DSCAM: variants seen among roughly 807,000 people sequenced by gnomAD.
The protein encoded by DSCAM is DS cell adhesion molecule, also known as cell adhesion molecule DSCAM.
DSCAM carries 47 observed loss-of-function variants against 217.7 expected under a neutral mutation model. The ratio of observed to expected loss-of-function variants is 0.22; its 90% CI spans 0.17 to 0.28. DSCAM has a LOEUF of 0.28. DSCAM is among the 10% of genes least tolerant of loss of function. The pLI, the probability that DSCAM is intolerant of heterozygous loss-of-function variation, is 1.00. For missense variants in DSCAM, 2,080 were observed against 2,618.3 expected (o/e 0.79, Z 4.49); for synonymous variants, 1,056 against 1,015.3 (o/e 1.04, Z -0.76).
At chr21:40,494,558 G>A (rs941586526) in intron 3 of DSCAM, among the ~76,000 whole-genome samples, 2 of 152,008 alleles carry the variant, frequency 1.3e-5, no homozygotes, top group African/African-American at 4.8e-5. Flanking sequence ...AAATATCATT[G>A]AGACTAATGA....
chr21:40,449,914 C>T (rs966464527), intron 3 of DSCAM, among the ~76,000 whole-genome samples: 4 of 152,064 alleles, frequency 2.6e-5, no homozygotes, highest in African/African-American at 9.7e-5. Context: ...GCCAAATCCA[C>T]AATACATAAG....
chr21:40,228,558 T>C (rs1164411941), intron 11 of DSCAM, among the ~76,000 whole-genome samples: 1 of 152,112 alleles, frequency 6.6e-6, no homozygotes, highest in African/African-American at 2.4e-5. Flanking sequence ...CACTGGGAAC[T>C]CCTTCAGGTG....
chr21:40,820,342 C>T lies in DSCAM; in HGVS notation c.43+26277G>A, dbSNP rs141932615. 1.5e-3 allele frequency among the ~76,000 whole-genome samples: 235 copies of T among 152,128 alleles called. 1 individual carries two copies. Among genetic ancestry groups the T allele is most frequent in the Middle Eastern group, 6.8e-3 (2 of 294 alleles). On this transcript the variant is annotated intron_variant, in intron 1 of 32. Coordinates refer to ENST00000400454, the MANE Select transcript of DSCAM (RefSeq NM_001389.5). ...GGATGAAGCTGGAAGCCATCACTCTCAGCAAACTAACCCAGGAACAGAAAA... is the reference window on the plus strand; with the variant it reads ...GGATGAAGCTGGAAGCCATCACTCTTAGCAAACTAACCCAGGAACAGAAAA...
chr21:40,232,950 T>C (rs1362271859), intron 11 of DSCAM, among the ~76,000 whole-genome samples: 3 of 152,100 alleles, frequency 2.0e-5, no homozygotes, highest in South Asian at 4.1e-4. Context: ...TAAATATGTA[T>C]AATTTATAAA....
At chr21:40,637,108 CATAT>C (rs202011231) in intron 3 of DSCAM, among the ~76,000 whole-genome samples, 10,151 of 37,320 alleles carry the variant, frequency 0.27, 2,250 homozygotes, top group African/African-American at 0.37. Context: ...CCTTCTCATT[CATAT>C]ATATATATAT....
chr21:40,713,855 C>A (rs1035197473), intron 1 of DSCAM, among the ~76,000 whole-genome samples: 2 of 152,106 alleles, frequency 1.3e-5, no homozygotes, highest in Non-Finnish European at 2.9e-5. Context: ...AATCTAATAA[C>A]TAGATGAGCT....
rs143145680 is a variant in DSCAM at position 40,059,431 on chromosome 21, G to C, written c.4919+3438C>G. Among the ~76,000 whole-genome samples the C allele has an allele frequency of 4.7e-4, 71 of 152,250 alleles. No individual in the cohort carries two copies. In the East Asian group the frequency reaches 5.6e-3, roughly 12 times the overall value. On this transcript the variant is annotated intron_variant, in intron 28 of 32. Transcript: ENST00000400454. ...TGAGGGATGCAGTCTCTCTTCTCTG[G>C]GGTGATGTGCATGGGTGAAACAGGT... is the stretch of plus-strand genomic sequence containing the variant.
chr21:40,565,289 A>G (rs967491703), intron 3 of DSCAM, among the ~76,000 whole-genome samples: 5 of 152,174 alleles, frequency 3.3e-5, no homozygotes, highest in Admixed American at 3.3e-4. Flanking sequence ...GAAGAAGACC[A>G]TGAAGAGGAA....
intron 3 of DSCAM, among the ~76,000 whole-genome samples, chr21:40,541,204 C>T (rs1490078852): frequency 1.3e-5 from 2 of 151,878 alleles, no homozygotes; most frequent in African/African-American, 2.4e-5. Flanking sequence ...TAAAAATTTT[C>T]AATAAAAAAG....
At chr21:40,168,136 G>A (rs2090617711) in intron 15 of DSCAM, among the ~76,000 whole-genome samples, 1 of 152,204 alleles carries the variant, frequency 6.6e-6, no homozygotes. Context: ...CTGAAGCAAT[G>A]TTAAAGAGGA....
intron 3 of DSCAM, among the ~76,000 whole-genome samples, chr21:40,590,531 G>T (rs1394612573): frequency 1.3e-5 from 2 of 152,196 alleles, no homozygotes; most frequent in African/African-American, 4.8e-5. Flanking sequence ...GTCACTGTGA[G>T]GAGTAAATGA....
Position 40,112,273 on chromosome 21 carries a change from C to T in DSCAM, c.3696+11922G>A, listed in dbSNP as rs578063946. 3.0e-4 allele frequency among the ~76,000 whole-genome samples: 45 copies of T among 148,708 alleles called. 1 individual carries two copies. The highest frequency in any genetic ancestry group is 9.3e-4 in the African/African-American group (38 of 40,948). The stretch of plus-strand genomic sequence containing the variant: ...CAGGATTAAGAATCTCACTCAAAAT[C>T]GCTTAACTACATGGAAACTGAACAA... On this transcript the variant is annotated intron_variant, in intron 20 of 32. Transcript: ENST00000400454.
chr21:40,162,101 A>T (rs1283380590), intron 16 of DSCAM, among the ~76,000 whole-genome samples: 1 of 152,180 alleles, frequency 6.6e-6, no homozygotes, highest in African/African-American at 2.4e-5. Context: ...ACGAACTACA[A>T]TCTTGGCACT....
intron 32 of DSCAM, among the ~76,000 whole-genome samples, chr21:40,023,333 G>A (rs1169165621): frequency 6.6e-6 from 1 of 152,090 alleles, no homozygotes; most frequent in African/African-American, 2.4e-5. Flanking sequence ...AAACATACGT[G>A]TGCATATGTC....
intron 3 of DSCAM, among the ~76,000 whole-genome samples, chr21:40,607,298 C>A (rs1198117783): frequency 6.6e-6 from 1 of 152,000 alleles, no homozygotes; most frequent in Non-Finnish European, 1.5e-5. Context: ...ATAAATGGTT[C>A]CAATCAGTCA....
chr21:40,202,269 G>A (rs960515250), intron 11 of DSCAM, among the ~76,000 whole-genome samples: 2 of 152,220 alleles, frequency 1.3e-5, no homozygotes, highest in African/African-American at 4.8e-5. Flanking sequence ...GTGGCTTGGG[G>A]ACAGACACAG....
At chr21:40,518,206 T>G (rs2076318961) in intron 3 of DSCAM, among the ~76,000 whole-genome samples, 1 of 145,432 alleles carries the variant, frequency 6.9e-6, no homozygotes, top group South Asian at 2.2e-4. Flanking sequence ...AATGGACCCT[T>G]GAGTTCTGAC....
Position 40,266,007 on chromosome 21 carries a change from T to C in DSCAM, c.2356+10090A>G, listed in dbSNP as rs371727941. Among the ~76,000 whole-genome samples, 5 of 152,146 alleles carry C rather than the reference T, an allele frequency of 3.3e-5. No homozygotes were observed. The East Asian group carries it at 7.7e-4, about 23-fold the overall frequency. ...CGCAACAAAAGCAAAAGTAAATACA[T>C]GGGACCTAATGAAAAAGCTTCTGCA... On this transcript the variant is annotated intron_variant, in intron 11 of 32. Coordinates refer to ENST00000400454, the MANE Select transcript of DSCAM (RefSeq NM_001389.5).
intron 1 of DSCAM, among the ~76,000 whole-genome samples, chr21:40,820,131 A>C (rs931021497): frequency 6.6e-6 from 1 of 152,206 alleles, no homozygotes; most frequent in Admixed American, 6.5e-5. Context: ...GAGGGTTATA[A>C]ATCATTCTAC....
Sources: allele counts gnomAD v4.1 joint callset (sites outside exome capture counted in the v4.1 genomes callset), GRCh38; gene constraint gnomAD v4.1.1; transcripts MANE v1.5; gene names NCBI Gene and HGNC (gene_info 2026-07-23, HGNC 2026-07-21).